The following CPLX2 variants were observed in gnomAD, a reference collection of about 807,000 sequenced individuals.
CPLX2 encodes the protein complexin 2.
CPLX2 carries 5 observed loss-of-function variants against 16.3 expected under a neutral mutation model. The observed-to-expected ratio is 0.31, with a 90% CI of 0.16 to 0.64. The LOEUF is 0.64. Ranked by LOEUF, CPLX2 falls within the 30% of genes least tolerant of loss-of-function variation. The probability of loss-of-function intolerance (pLI) is 0.79; values close to 1 mark genes in which losing one functional copy is unlikely to be tolerated. For missense variants in CPLX2, 144 were observed against 181.4 expected (o/e 0.79, Z 1.18); for synonymous variants, 89 against 73.2 (o/e 1.22, Z -1.10).
intron 2 of CPLX2, among the ~76,000 whole-genome samples, chr5:175,820,273 G>A (rs1758480462): frequency 6.6e-6 from 1 of 152,220 alleles, no homozygotes; most frequent in South Asian, 2.1e-4. Context: ...GCCCAGCAGG[G>A]CGCCTGGCGT....
At chr5:175,878,361 C>G in intron 1 of CPLX2, 1 of 266,640 alleles carries the variant, frequency 3.8e-6, no homozygotes, top group East Asian at 7.8e-5. Context: ...ACTCCAAGTT[C>G]CAGGCTCTTT....
chr5:175,798,077 C>T (rs537133390), intron 1 of CPLX2, among the ~76,000 whole-genome samples: 1 of 152,212 alleles, frequency 6.6e-6, no homozygotes, highest in Non-Finnish European at 1.5e-5. Context: ...GGCTCTCTAA[C>T]TCCTGGGCCT....
chr5:175,817,868 T>C (rs1758437623), intron 2 of CPLX2, among the ~76,000 whole-genome samples: 1 of 152,062 alleles, frequency 6.6e-6, no homozygotes, highest in Non-Finnish European at 1.5e-5. Context: ...GGGACATGTG[T>C]CCCATAGAAA....
At chr5:175,852,498 TC>T (rs1307381524) in intron 2 of CPLX2, among the ~76,000 whole-genome samples, 1 of 152,218 alleles carries the variant, frequency 6.6e-6, no homozygotes, top group African/African-American at 2.4e-5. Flanking sequence ...CAGCTAGAGT[TC>T]TTGCTTTCTG....
At chr5:175,797,006 C>T (rs760058283) in intron 1 of CPLX2, among the ~76,000 whole-genome samples, 9 of 152,220 alleles carry the variant, frequency 5.9e-5, no homozygotes, top group African/African-American at 1.9e-4. Context: ...GGGGACAGCT[C>T]CCGCGCCGCA....
intron 2 of CPLX2, among the ~76,000 whole-genome samples, chr5:175,814,489 T>C (rs1758369055): frequency 6.6e-6 from 1 of 152,122 alleles, no homozygotes; most frequent in Non-Finnish European, 1.5e-5. Flanking sequence ...ACTTGGATTA[T>C]CCAGCGGGGG....
At position 175,809,049 on chromosome 5, in the gene CPLX2, A is replaced by C. The variant is rs1488180722; in HGVS notation, c.-108A>C. On this transcript the variant is annotated 5_prime_UTR_variant, in exon 2 of 5. Coordinates refer to the CPLX2 transcript ENST00000359546. The surrounding 1 kb of genome is among the most constrained non-coding windows in gnomAD (Gnocchi z 4.4). The stretch of plus-strand genomic sequence containing the variant: ...CAGCGACTGAAGGTGCCCGCATCCC[A>C]GCTCTGCCAGGAAGCAAAGGTAAGG... 3 of 152,382 alleles carry C rather than the reference A, an allele frequency of 2.0e-5. No individual in the cohort carries two copies. Among genetic ancestry groups the C allele is most frequent in the African/African-American group, 7.2e-5 (3 of 41,440 alleles). 9.4% of individuals were successfully genotyped at this position (152,382 alleles called of 1,614,324 possible). A position where few individuals can be genotyped will look rare whatever the true frequency, so the allele number is the denominator to read the frequency against.
intron 2 of CPLX2, among the ~76,000 whole-genome samples, chr5:175,864,829 G>A (rs1251635066): frequency 6.6e-6 from 1 of 152,162 alleles, no homozygotes; most frequent in Admixed American, 6.5e-5. Context: ...AGGTGTTTAG[G>A]ACGTGTGGAG....
At chr5:175,831,056 G>T (rs1004803376) in intron 2 of CPLX2, among the ~76,000 whole-genome samples, 10 of 152,100 alleles carry the variant, frequency 6.6e-5, no homozygotes. Flanking sequence ...GCATAAGTGC[G>T]TCTCTGTGTC....
In CPLX2 at chr5:175,858,354, G is replaced by A. The variant is rs949236729; in HGVS notation, c.-88-20298G>A. On this transcript the variant is annotated intron_variant, in intron 2 of 4. Coordinates refer to the CPLX2 transcript ENST00000359546. Reference sequence around the variant, plus strand: ...ACCACCCTTCCCAGCCCCCTGCAGCGGGCAGGCCCAAGGCACTAGGCCTGG... The same window carrying A: ...ACCACCCTTCCCAGCCCCCTGCAGCAGGCAGGCCCAAGGCACTAGGCCTGG... Among the ~76,000 whole-genome samples, 83 of 152,318 alleles carry A rather than the reference G, an allele frequency of 5.4e-4. 1 individual carries two copies. The highest frequency in any genetic ancestry group is 1.9e-3 in the African/African-American group (81 of 41,576).
intron 1 of CPLX2, among the ~76,000 whole-genome samples, chr5:175,799,117 T>A (rs527239705): frequency 2.8e-4 from 42 of 152,354 alleles, no homozygotes; most frequent in African/African-American, 9.9e-4. Context: ...GGTTTTACCA[T>A]GCCAGAATTG....
rs1048077035 is a variant in CPLX2, at chr5:175,849,354, G to A, written c.-88-29298G>A. ...GATGGTGAGTTTCGCAACACTGGAC[G>A]TCCGTGTATACTTTCCTGGGACTGA... On this transcript the variant is annotated intron_variant, in intron 2 of 4. Coordinates refer to the CPLX2 transcript ENST00000359546. This position sits in a 1 kb window ranked among gnomAD's most constrained non-coding sequence, Gnocchi z 4.4. Among the ~76,000 whole-genome samples, 1 of 152,152 alleles carries A rather than the reference G, an allele frequency of 6.6e-6. No homozygotes were observed. Among genetic ancestry groups the A allele is most frequent in the Non-Finnish European group, 1.5e-5 (1 of 68,024 alleles).
At position 175,830,513 on chromosome 5, in the gene CPLX2, C is replaced by G. The variant is rs1348588782; in HGVS notation, c.-89+21445C>G. On this transcript the variant is annotated intron_variant, in intron 2 of 4. Transcript: ENST00000359546. The surrounding 1 kb of genome is among the most constrained non-coding windows in gnomAD (Gnocchi z 4.0). ...GAGGGGGAGTTTTAGGGGTGAAGCA[C>G]CCCACCCCCAGCTGTCCAGCCACCC... 2.0e-5 allele frequency among the ~76,000 whole-genome samples: 3 copies of G among 152,116 alleles called. No individual in the cohort carries two copies. Among genetic ancestry groups the G allele is most frequent in the Non-Finnish European group, 4.4e-5 (3 of 68,008 alleles).
At position 175,882,140 on chromosome 5, in the gene CPLX2, CCT is replaced by C. The variant is rs1196517337; in HGVS notation, c.*2096_*2097del. The C allele has an allele frequency of 2.6e-5, 4 of 152,778 alleles. No individual in the cohort carries two copies. The East Asian group carries it at 5.8e-4, about 22-fold the overall frequency. 9.5% of individuals were successfully genotyped at this position (152,778 alleles called of 1,614,324 possible). A position where few individuals can be genotyped will look rare whatever the true frequency, so the allele number is the denominator to read the frequency against. ...CCGCACCCCGCCCCCACCTTGTGCCCCTGTGTCCAGCCCCCCAGGGGGCCTGT... is the reference window on the plus strand; with the variant it reads ...CCGCACCCCGCCCCCACCTTGTGCCCGTGTCCAGCCCCCCAGGGGGCCTGT... On this transcript the variant is annotated 3_prime_UTR_variant, in exon 4 of 4. Coordinates refer to ENST00000393745, the MANE Select transcript of CPLX2 (RefSeq NM_001008220.2).
chr5:175,869,988 G>A (rs1403387958), upstream of CPLX2, among the ~76,000 whole-genome samples: 1 of 152,166 alleles, frequency 6.6e-6, no homozygotes, highest in East Asian at 1.9e-4. Flanking sequence ...AAGAGGGGAC[G>A]GGGAGGACTG....
At chr5:175,831,606 T>C (rs927799902) in intron 2 of CPLX2, among the ~76,000 whole-genome samples, 15 of 152,188 alleles carry the variant, frequency 9.9e-5, no homozygotes, top group African/African-American at 1.9e-4. Flanking sequence ...TAGTCTGCTA[T>C]TGGGGCAGAG....
intron 1 of CPLX2, among the ~76,000 whole-genome samples, chr5:175,799,544 A>ATATATTTATATT (rs1238771061): frequency 1.1e-5 from 1 of 94,482 alleles, no homozygotes; most frequent in African/African-American, 4.0e-5. Context: ...AATTTCATAT[A>ATATATTTATATT]TATATATATA....
rs1554121240 is a variant in CPLX2, at chr5:175,860,516, A to AAGAAAG, written c.-88-18135_-88-18134insGAAAGA. Among the ~76,000 whole-genome samples the AAGAAAG allele has an allele frequency of 3.0e-3, 64 of 21,352 alleles. 2 individuals are homozygous for AAGAAAG. Among genetic ancestry groups the AAGAAAG allele is most frequent in the African/African-American group, 0.016 (62 of 3,764 alleles). 14.0% of individuals were successfully genotyped at this position (21,352 alleles called of 152,430 possible). A position where few individuals can be genotyped will look rare whatever the true frequency, so the allele number is the denominator to read the frequency against. ...AAGAAAGAAAAGAAAGAAAGAAAGA[A>AAGAAAG]AAAGAAAGAAAGAAAGAAAGAAAGA... On this transcript the variant is annotated intron_variant, in intron 2 of 4. Transcript: ENST00000359546.
chr5:175,873,652 TGA>T (rs1759689198), intron 1 of CPLX2, among the ~76,000 whole-genome samples: 3 of 152,112 alleles, frequency 2.0e-5, no homozygotes, highest in Admixed American at 2.0e-4. Context: ...GAGTGCTGTT[TGA>T]GAGAGATCTT....
Sources: allele counts gnomAD v4.1 joint callset (sites outside exome capture counted in the v4.1 genomes callset), GRCh38; gene constraint gnomAD v4.1.1; non-coding constraint Gnocchi (gnomAD v3.1); transcripts MANE v1.5; gene names NCBI Gene and HGNC (gene_info 2026-07-23, HGNC 2026-07-21).